NAA35: variants seen among roughly 807,000 people sequenced by gnomAD.
The protein encoded by NAA35 is N-alpha-acetyltransferase 35, NatC auxiliary subunit.
Under a neutral mutation model 101.7 loss-of-function variants are expected in NAA35, and 18 were observed. The observed-to-expected ratio is 0.18, with a 90% CI of 0.12 to 0.26. The LOEUF (loss-of-function observed/expected upper bound fraction) is 0.26, where lower values mean the gene tolerates loss of function less well. NAA35 is among the 10% of genes least tolerant of loss of function. The probability of loss-of-function intolerance (pLI) is 1.00; values close to 1 mark genes in which losing one functional copy is unlikely to be tolerated. For missense variants in NAA35, 601 were observed against 886.8 expected, an observed-to-expected ratio of 0.68 and a Z score of 4.09; for synonymous variants, 267 against 273.1, an observed-to-expected ratio of 0.98 and a Z score of 0.22.
intron 2 of NAA35, among the ~76,000 whole-genome samples, chr9:85,949,144 T>C (rs1828893554): frequency 2.0e-5 from 3 of 152,310 alleles, no homozygotes; most frequent in South Asian, 4.1e-4. Flanking sequence ...CTTTTCACTT[T>C]GATGCTTCAG....
intron 13 of NAA35, among the ~76,000 whole-genome samples, chr9:86,005,999 C>T (rs959106041): frequency 2.6e-5 from 4 of 151,494 alleles, no homozygotes; most frequent in African/African-American, 9.7e-5. Context: ...AGTGAAACCC[C>T]ATCTGTACTA....
rs1430338508 is a variant in NAA35 at position 86,021,994 on chromosome 9, G to C, written c.*34G>C. On this transcript the variant is annotated 3_prime_UTR_variant, in exon 23 of 23. Coordinates refer to ENST00000361671, the MANE Select transcript of NAA35 (RefSeq NM_024635.4). The stretch of plus-strand genomic sequence containing the variant: ...GGGGAGGTGGCCATAAAGGGGCAGA[G>C]TCTTCTTTCAGACCCAACTCTTAGA... 1.9e-6 allele frequency: 3 copies of C among 1,573,662 alleles called. No individual in the cohort carries two copies. Among genetic ancestry groups the C allele is most frequent in the Non-Finnish European group, 2.6e-6 (3 of 1,145,740 alleles).
intron 13 of NAA35, among the ~76,000 whole-genome samples, chr9:86,004,150 G>T (rs1226312843): frequency 6.6e-6 from 1 of 152,144 alleles, no homozygotes; most frequent in Non-Finnish European, 1.5e-5. Flanking sequence ...CGTTGCCCAG[G>T]CTGGAGTGCA....
Position 85,989,211 on chromosome 9 carries a change from G to T in NAA35, c.878-7188G>T, listed in dbSNP as rs183490007. On this transcript the variant is annotated intron_variant, in intron 11 of 22. Coordinates refer to ENST00000361671, the MANE Select transcript of NAA35 (RefSeq NM_024635.4). ...TGACCTGCTGGGCGTGGTGGCTCAC[G>T]CCTGTAATCCCAGCACTTTGGGAGG... is the stretch of plus-strand genomic sequence containing the variant. Among the ~76,000 whole-genome samples, 246 of 152,244 alleles carry T rather than the reference G, an allele frequency of 1.6e-3. 1 individual carries two copies. The highest frequency in any genetic ancestry group is 3.8e-3 in the African/African-American group (156 of 41,570).
chr9:86,021,619 T>G (rs1832562333), intron 22 of NAA35, among the ~76,000 whole-genome samples: 1 of 152,188 alleles, frequency 6.6e-6, no homozygotes, highest in Non-Finnish European at 1.5e-5. Flanking sequence ...CTGAATGCCT[T>G]TCCTATAATT....
intron 22 of NAA35, 36 bp from the exon 23 acceptor site, chr9:86,021,865 T>C: frequency 6.7e-7 from 1 of 1,483,058 alleles, no homozygotes; most frequent in Middle Eastern, 1.7e-4. Context: ...TGAATATTTG[T>C]AGATACATTA....
chr9:86,021,986 G>A lies in NAA35; in HGVS notation c.*26G>A. The A allele has an allele frequency of 1.9e-6, 3 of 1,595,928 alleles. No homozygotes were observed. Among genetic ancestry groups the A allele is most frequent in the Non-Finnish European group, 2.6e-6 (3 of 1,164,982 alleles). The stretch of plus-strand genomic sequence containing the variant: ...GAGAGACTGGGGAGGTGGCCATAAA[G>A]GGGCAGAGTCTTCTTTCAGACCCAA... On this transcript the variant is annotated 3_prime_UTR_variant, in exon 23 of 23. Transcript: ENST00000361671.
intron 11 of NAA35, among the ~76,000 whole-genome samples, chr9:85,982,891 A>G (rs1055788238): frequency 3.3e-5 from 5 of 152,210 alleles, no homozygotes; most frequent in African/African-American, 1.2e-4. Flanking sequence ...TGACTTACCT[A>G]TCTCCAAATA....
In NAA35 at chr9:86,025,253, A is replaced by G. The variant is rs931662683; in HGVS notation, c.*3293A>G. Among the ~76,000 whole-genome samples, 1 of 152,058 alleles carries G rather than the reference A, an allele frequency of 6.6e-6. No individual in the cohort carries two copies. The highest frequency in any genetic ancestry group is 1.5e-5 in the Non-Finnish European group (1 of 68,008). ...TATGCCGCTCAGAGGCCATTAAGAGAAGGACTGAAAAGAGCCCATTGAACT... is the reference window on the plus strand; with the variant it reads ...TATGCCGCTCAGAGGCCATTAAGAGGAGGACTGAAAAGAGCCCATTGAACT... On this transcript the variant is annotated 3_prime_UTR_variant, in exon 23 of 23. Coordinates refer to ENST00000361671, the MANE Select transcript of NAA35 (RefSeq NM_024635.4).
rs1158816428 is a variant in NAA35 at position 85,964,242 on chromosome 9, C to A, written c.516+2062C>A. On this transcript the variant is annotated intron_variant, in intron 6 of 22. Coordinates refer to ENST00000361671, the MANE Select transcript of NAA35 (RefSeq NM_024635.4). ...CGTATGCAGATTCAGCTACTATTAACATACTGTCCCATTTGCTTTTTTCAC... is the reference window on the plus strand; with the variant it reads ...CGTATGCAGATTCAGCTACTATTAAAATACTGTCCCATTTGCTTTTTTCAC... Among the ~76,000 whole-genome samples the A allele has an allele frequency of 2.6e-5, 4 of 151,056 alleles. No homozygotes were observed. The East Asian group carries it at 7.9e-4, about 30-fold the overall frequency.
At chr9:85,996,953 T>A (rs1197766430) in intron 12 of NAA35, among the ~76,000 whole-genome samples, 1 of 151,902 alleles carries the variant, frequency 6.6e-6, no homozygotes, top group Admixed American at 6.6e-5. Flanking sequence ...TTTTTTTTTT[T>A]TAATTTTTTT....
In NAA35 at chr9:85,955,327, CATAT is replaced by C. The variant is rs1173706353; in HGVS notation, c.125-1002_125-999del. ...TCCACAGGATTTAGCCATCTATATA[CATAT>C]ATATATATATATATATATATATATA... On this transcript the variant is annotated intron_variant, in intron 2 of 22. Transcript: ENST00000361671. 3.1e-3 allele frequency among the ~76,000 whole-genome samples: 256 copies of C among 82,824 alleles called. 16 individuals carry two copies. The highest frequency in any genetic ancestry group is 0.013 in the East Asian group (32 of 2,382). 54.3% of individuals were successfully genotyped at this position (82,824 alleles called of 152,430 possible).
At chr9:86,007,148 C>T (rs556913885) in intron 13 of NAA35, among the ~76,000 whole-genome samples, 20 of 152,132 alleles carry the variant, frequency 1.3e-4, no homozygotes, top group African/African-American at 4.8e-4. Context: ...GTTTTTATTT[C>T]TGTACATTTT....
intron 21 of NAA35, among the ~76,000 whole-genome samples, chr9:86,020,620 G>A (rs1287019047): frequency 6.6e-6 from 1 of 152,130 alleles, no homozygotes. Flanking sequence ...AGGGTGGGAG[G>A]TCTGCTTGAA....
chr9:85,942,186 T>A lies in NAA35; in HGVS notation c.27T>A (p.Asp9Glu). Residue 9 changes from aspartate to glutamate, a missense_variant, in exon 2 of 23, where the codon GAT becomes GAA. By Grantham distance (45) the Asp-to-Glu change is conservative. Around this residue, in one of 8 missense-constraint regions of NAA35, gnomAD observed 67 missense variants for 62.4 expected, o/e 1.07. Coordinates refer to ENST00000361671, the MANE Select transcript of NAA35 (RefSeq NM_024635.4). ...TGGTTATGAAAGCTTCTGTAGATGA[T>A]GACGATTCAGGATGGGAGCTCAGTA... MVMKASVD[D>E]DDSGWELSMP... 6.2e-7 allele frequency: 1 copy of A among 1,614,190 alleles called. No homozygotes were observed. Among genetic ancestry groups the A allele is most frequent in the Non-Finnish European group, 8.5e-7 (1 of 1,180,034 alleles).
rs1348985667 is a variant in NAA35, at chr9:85,942,274, G to A, written c.115G>A (p.Ala39Thr). ...GGACATTACCCAAGATTTTGAAGAA[G>A]CTTGTCGAGGTGAGTCTGATTTTTG... ...WVDITQDFEE[A>T]CRELKLGELL... The change falls in exon 2 of 23, where the codon GCT becomes ACT. Residue 39 changes from alanine to threonine, a missense_variant. This residue lies in a region of NAA35 where 67 missense variants were observed against 62.4 expected (regional missense o/e 1.07). Transcript: ENST00000361671. The A allele has an allele frequency of 1.2e-6, 2 of 1,613,594 alleles. No homozygotes were observed. Among genetic ancestry groups the A allele is most frequent in the Non-Finnish European group, 1.7e-6 (2 of 1,179,920 alleles).
chr9:85,977,257 T>C, intron 9 of NAA35, 106 bp from the exon 10 acceptor site: 1 of 785,504 alleles, frequency 1.3e-6, no homozygotes, highest in Non-Finnish European at 2.2e-6. Flanking sequence ...GTGCCTGTAA[T>C]GTAGTAAGTT....
At chr9:85,948,883 G>A (rs1053482066) in intron 2 of NAA35, among the ~76,000 whole-genome samples, 3 of 151,798 alleles carry the variant, frequency 2.0e-5, no homozygotes, top group Admixed American at 6.6e-5. Flanking sequence ...TCAGCCTCCC[G>A]GGTAGCAGGG....
Position 85,998,825 on chromosome 9 carries a change from G to A in NAA35, c.1056+2248G>A, listed in dbSNP as rs557662768. ...GAGTGTTGTTACCTTACACACTGAGGTGTGGAATTGTCAGCCCCATGTCAT... is the reference window on the plus strand; with the variant it reads ...GAGTGTTGTTACCTTACACACTGAGATGTGGAATTGTCAGCCCCATGTCAT... On this transcript the variant is annotated intron_variant, in intron 12 of 22. Coordinates refer to ENST00000361671, the MANE Select transcript of NAA35 (RefSeq NM_024635.4). Among the ~76,000 whole-genome samples, 5 of 152,290 alleles carry A rather than the reference G, an allele frequency of 3.3e-5. No individual in the cohort carries two copies. The South Asian group carries it at 1.0e-3, about 32-fold the overall frequency.
Sources: allele counts gnomAD v4.1 joint callset (sites outside exome capture counted in the v4.1 genomes callset), GRCh38; gene constraint gnomAD v4.1.1; regional missense constraint gnomAD v4.1.1; transcripts MANE v1.5; gene names NCBI Gene and HGNC (gene_info 2026-07-23, HGNC 2026-07-21).